The following DNMT3A variants were observed in gnomAD, a reference collection of about 807,000 sequenced individuals.
DNMT3A encodes DNA (cytosine-5)-methyltransferase 3A.
Under a neutral mutation model 117.6 loss-of-function variants are expected in DNMT3A, and 267 were observed. The observed-to-expected ratio is 2.27, with a 90% CI of 2.05 to 2.51. The LOEUF (loss-of-function observed/expected upper bound fraction) is 2.51. DNMT3A is among the 30% of genes most tolerant of loss of function. DNMT3A has a pLI of 0.00. For synonymous variants in DNMT3A, 432 were observed against 474.8 expected, an observed-to-expected ratio of 0.91 and a Z score of 1.17; for missense variants, 1,029 against 1,260.2, an observed-to-expected ratio of 0.82 and a Z score of 2.78.
At position 25,300,143 on chromosome 2, in the gene DNMT3A, G is replaced by T; in HGVS notation, c.173C>A (p.Pro58His). Residue 58 changes from proline (P) to histidine (H), a missense_variant, in exon 3 of 23, where the codon CCC becomes CAC. Physicochemically the swap from Pro to His is moderately conservative, Grantham distance 77. Transcript: ENST00000321117. The part of the protein sequence containing the change: ...VGRPGRKRKH[P>H]PVESGDTPKD... The stretch of plus-strand genomic sequence containing the variant: ...TGTGTAGGATGTGACACTCACCGGG[G>T]GGTGCTTGCGCTTCCTCCCAGGCCG... 1.2e-6 allele frequency: 2 copies of T among 1,613,370 alleles called. No homozygotes were observed. The highest frequency in any genetic ancestry group is 8.5e-7 in the Non-Finnish European group (1 of 1,179,850).
In DNMT3A at chr2:25,252,297, T is replaced by A; in HGVS notation, c.640-4045A>T. The A allele has an allele frequency of 1.8e-5, 1 of 55,204 alleles. No homozygotes were observed. The highest frequency in any genetic ancestry group is 3.0e-5 in the Non-Finnish European group (1 of 32,818). 3.4% of individuals were successfully genotyped at this position (55,204 alleles called of 1,614,324 possible). ...GTCTTGGGGGAGGGGAAGGGGGCGA[T>A]GGGGCTGGGGGCGGAGGGGGCCACT... On this transcript the variant is annotated intron_variant, in intron 6 of 22. Transcript: ENST00000321117. This position sits in a 1 kb window ranked among gnomAD's most constrained non-coding sequence, Gnocchi z 5.5.
In DNMT3A at chr2:25,240,423, A is replaced by G. The variant is rs1215180755; in HGVS notation, c.2201T>C (p.Phe734Ser). ...CCGCGCATCATGCAGGAGGCGGTAG[A>G]ACTCAAAGAAGAGCCGGCCAGTGCC... ...YEGTGRLFFE[F>S]YRLLHDARPK... Residue 734 changes from phenylalanine (F) to serine (S), a missense_variant, in exon 19 of 23, where the codon TTC becomes TCC. By Grantham distance (155) the Phe-to-Ser change is radical. Transcript: ENST00000321117. The G allele has an allele frequency of 1.2e-6, 2 of 1,611,990 alleles. No individual in the cohort carries two copies. The highest frequency in any genetic ancestry group is 1.3e-5 in the African/African-American group (1 of 74,844).
In DNMT3A at chr2:25,257,857, T is replaced by C. The variant is rs1407175789; in HGVS notation, c.640-9605A>G. Among the ~76,000 whole-genome samples the C allele has an allele frequency of 6.6e-6, 1 of 152,204 alleles. No homozygotes were observed. On this transcript the variant is annotated intron_variant, in intron 6 of 22. Coordinates refer to ENST00000321117, the MANE Select transcript of DNMT3A (RefSeq NM_022552.5). The surrounding 1 kb of genome is among the most constrained non-coding windows in gnomAD (Gnocchi z 4.8). Reference sequence around the variant, plus strand: ...GGTGTGGAAACACGGAGACCCTGGCTGTGTCTGTTACAAATGAGAACACTG... The same window carrying C: ...GGTGTGGAAACACGGAGACCCTGGCCGTGTCTGTTACAAATGAGAACACTG...
chr2:25,261,841 C>T (rs1465853482), intron 6 of DNMT3A, among the ~76,000 whole-genome samples: 4 of 151,956 alleles, frequency 2.6e-5, no homozygotes, highest in Non-Finnish European at 5.9e-5. Context: ...TCTCTCCCTG[C>T]CCTCCTGCCT....
intron 1 of DNMT3A, among the ~76,000 whole-genome samples, chr2:25,336,276 C>A (rs536835036): frequency 1.3e-5 from 2 of 152,340 alleles, no homozygotes; most frequent in East Asian, 3.9e-4. Context: ...AGACAGGAAC[C>A]TGACGTCTTC....
chr2:25,341,261 C>T (rs2035432218), intron 1 of DNMT3A, among the ~76,000 whole-genome samples: 1 of 144,460 alleles, frequency 6.9e-6, no homozygotes, highest in African/African-American at 2.5e-5. Context: ...CATTTTCTGC[C>T]GCCGCCGCGG....
chr2:25,251,936 G>A (rs1330401242), intron 6 of DNMT3A: 3 of 482,742 alleles, frequency 6.2e-6, no homozygotes, highest in Non-Finnish European at 1.1e-5. Context: ...CCGGCCGGCT[G>A]CTCTTCCTGT....
Position 25,311,962 on chromosome 2 carries a change from C to T in DNMT3A, c.72+1951G>A, listed in dbSNP as rs1313760004. On this transcript the variant is annotated intron_variant, in intron 2 of 22. Transcript: ENST00000321117. The surrounding 1 kb of genome is among the most constrained non-coding windows in gnomAD (Gnocchi z 5.2). ...TTGGTGGTGGCCTGGGGCTCCGCAG[C>T]CCAGAGCAGCAGCAGCGGCGTGGGA... is the stretch of plus-strand genomic sequence containing the variant. Among the ~76,000 whole-genome samples, 2 of 152,130 alleles carry T rather than the reference C, an allele frequency of 1.3e-5. No homozygotes were observed. The highest frequency in any genetic ancestry group is 6.5e-5 in the Admixed American group (1 of 15,282).
In DNMT3A at chr2:25,240,338, G is replaced by A. The variant is rs2149271358; in HGVS notation, c.2286C>T (p.Gly762=). Residue 762 remains glycine, a synonymous_variant, in exon 19 of 23, where the codon GGC becomes GGT. Coordinates refer to ENST00000321117, the MANE Select transcript of DNMT3A (RefSeq NM_022552.5). ...GCGAGATGTCCCTCTTGTCACTAAC[G>A]CCCATGGCCACCACATTCTCAAAGA... is the stretch of plus-strand genomic sequence containing the variant. ...FWLFENVVAM[G]VSDKRDISRF... is the part of the protein sequence containing the mutation. 1 of 1,614,188 alleles carries A rather than the reference G, an allele frequency of 6.2e-7. No individual in the cohort carries two copies. The highest frequency in any genetic ancestry group is 8.5e-7 in the Non-Finnish European group (1 of 1,180,040).
Position 25,322,268 on chromosome 2 carries a change from C to T in DNMT3A, c.-177-8107G>A, listed in dbSNP as rs146853743. 1.8e-3 allele frequency among the ~76,000 whole-genome samples: 275 copies of T among 152,164 alleles called. 1 individual carries two copies. Among genetic ancestry groups the T allele is most frequent in the African/African-American group, 6.5e-3 (269 of 41,506 alleles). The stretch of plus-strand genomic sequence containing the variant: ...GAGTGGGGATGGGAGAAAGGGCTTA[C>T]GTCCCAACTGCAGCCATCGGTTGCG... On this transcript the variant is annotated intron_variant, in intron 1 of 22. Coordinates refer to ENST00000321117, the MANE Select transcript of DNMT3A (RefSeq NM_022552.5).
In DNMT3A at chr2:25,257,350, C is replaced by T. The variant is rs1380029825; in HGVS notation, c.640-9098G>A. 6.6e-6 allele frequency among the ~76,000 whole-genome samples: 1 copy of T among 152,234 alleles called. No individual in the cohort carries two copies. Among genetic ancestry groups the T allele is most frequent in the Non-Finnish European group, 1.5e-5 (1 of 68,040 alleles). ...TGCTCTAAGTGGGGCAGACATTCCC[C>T]CTGTCCCTCAGTAACCCATCTCCAT... On this transcript the variant is annotated intron_variant, in intron 6 of 22. Coordinates refer to ENST00000321117, the MANE Select transcript of DNMT3A (RefSeq NM_022552.5). The surrounding 1 kb of genome is among the most constrained non-coding windows in gnomAD (Gnocchi z 4.8).
At chr2:25,268,310 A>G (rs1462994242) in intron 6 of DNMT3A, among the ~76,000 whole-genome samples, 1 of 152,186 alleles carries the variant, frequency 6.6e-6, no homozygotes, top group Non-Finnish European at 1.5e-5. Flanking sequence ...CGGAATTTAG[A>G]ATCCGGCTGG....
chr2:25,275,813 T>C (rs2031363842), intron 4 of DNMT3A, among the ~76,000 whole-genome samples: 1 of 152,140 alleles, frequency 6.6e-6, no homozygotes, highest in Admixed American at 6.5e-5. Flanking sequence ...AATTCAGAGC[T>C]GGGTTTCTGG....
chr2:25,341,279 GCGGGGCCCGGC>G (rs1448162870), intron 1 of DNMT3A, among the ~76,000 whole-genome samples: 3 of 144,186 alleles, frequency 2.1e-5, no homozygotes, highest in African/African-American at 7.5e-5. Context: ...CGGAGCCTGC[GCGGGGCCCGGC>G]CCCCGCCCCC....
intron 3 of DNMT3A, among the ~76,000 whole-genome samples, chr2:25,291,121 C>A (rs2032729820): frequency 6.6e-6 from 1 of 152,232 alleles, no homozygotes; most frequent in Admixed American, 6.5e-5. Flanking sequence ...GTGATGCCAA[C>A]ACAAACACGC....
chr2:25,240,555 C>T, intron 18 of DNMT3A, 85 bp downstream of exon 18: 2 of 1,595,556 alleles, frequency 1.3e-6, no homozygotes, highest in African/African-American at 1.3e-5. Flanking sequence ...TCGGGAATAG[C>T]TGTCCCAGGG....
intron 2 of DNMT3A, among the ~76,000 whole-genome samples, chr2:25,302,024 G>C (rs1020263504): frequency 6.6e-6 from 1 of 152,172 alleles, no homozygotes; most frequent in Non-Finnish European, 1.5e-5. Flanking sequence ...GAGCATCCCT[G>C]GCCCCTCCAT....
rs1001180700 is a variant in DNMT3A at position 25,252,501 on chromosome 2, G to A, written c.640-4249C>T. Among the ~76,000 whole-genome samples, 2 of 152,102 alleles carry A rather than the reference G, an allele frequency of 1.3e-5. No individual in the cohort carries two copies. The highest frequency in any genetic ancestry group is 2.9e-5 in the Non-Finnish European group (2 of 67,978). On this transcript the variant is annotated intron_variant, in intron 6 of 22. Coordinates refer to ENST00000321117, the MANE Select transcript of DNMT3A (RefSeq NM_022552.5). The surrounding 1 kb of genome is among the most constrained non-coding windows in gnomAD (Gnocchi z 5.5). The stretch of plus-strand genomic sequence containing the variant: ...TCCGGTCCGAGGGGCGCGGGGCCGG[G>A]GGGCGAGGCCGTTCCCCGCCCGTTC...
At chr2:25,273,808 C>A (rs906802941) in intron 6 of DNMT3A, among the ~76,000 whole-genome samples, 2 of 152,176 alleles carry the variant, frequency 1.3e-5, no homozygotes, top group Admixed American at 6.5e-5. Flanking sequence ...TTCAGCTTTC[C>A]CTAGGGCTGG....
Sources: allele counts gnomAD v4.1 joint callset (sites outside exome capture counted in the v4.1 genomes callset), GRCh38; gene constraint gnomAD v4.1.1; non-coding constraint Gnocchi (gnomAD v3.1); transcripts MANE v1.5; gene names NCBI Gene and HGNC (gene_info 2026-07-23, HGNC 2026-07-21).